Variants in NR1D2 observed in about 807,000 individuals in gnomAD.
The protein encoded by NR1D2 is nuclear receptor subfamily 1 group D member 2.
NR1D2 carries 25 observed loss-of-function variants against 52.2 expected under a neutral mutation model. The ratio of observed to expected loss-of-function variants is 0.48; its 90% CI spans 0.35 to 0.67. The LOEUF (loss-of-function observed/expected upper bound fraction) is 0.67, where lower values mean the gene tolerates loss of function less well. NR1D2 is among the 30% of genes least tolerant of loss of function. NR1D2 has a pLI of 0.01. For synonymous variants in NR1D2, 259 were observed against 230.1 expected (o/e 1.13, Z -1.14); for missense variants, 681 against 707.2 (o/e 0.96, Z 0.42).
At chr3:23,946,146 C>T (rs1314929559) in intron 1 of NR1D2, 1 of 985,090 alleles carries the variant, frequency 1.0e-6, no homozygotes, top group Admixed American at 6.1e-5. Context: ...GGGTTGCACA[C>T]TGCGGAGGAG....
intron 4 of NR1D2, among the ~76,000 whole-genome samples, chr3:23,961,457 AC>A (rs919535027): frequency 8.6e-5 from 11 of 127,726 alleles, no homozygotes; most frequent in Admixed American, 2.1e-4. Flanking sequence ...GTGCATTGGC[AC>A]CATCTCGACG....
At chr3:23,949,900 T>C (rs566552887) in intron 1 of NR1D2, among the ~76,000 whole-genome samples, 13 of 152,308 alleles carry the variant, frequency 8.5e-5, no homozygotes, top group African/African-American at 2.9e-4. Context: ...TATGCAGGAA[T>C]ATCAGTGCTT....
chr3:23,960,251 A>C (rs1706201596), intron 4 of NR1D2, among the ~76,000 whole-genome samples: 2 of 152,124 alleles, frequency 1.3e-5, no homozygotes, highest in South Asian at 4.1e-4. Context: ...AAATGCAAAA[A>C]AAAATTAGCT....
In NR1D2 at chr3:23,962,578, G is replaced by C. The variant is rs149261661; in HGVS notation, c.1119G>C (p.Leu373=). Residue 373 remains leucine (L), a synonymous_variant, in exon 5 of 8, where the codon CTG becomes CTC. Transcript: ENST00000312521. ...AGAATGAGAACAAGAATAGTTACCT[G>C]TGCAACACTGGAGGAAGAATGCATC... ...FSQNENKNSY[L]CNTGGRMHLV... 4.4e-6 allele frequency: 7 copies of C among 1,606,656 alleles called. No homozygotes were observed. The highest frequency in any genetic ancestry group is 1.1e-5 in the South Asian group (1 of 90,662).
At chr3:23,972,957 A>G (rs868344234) in intron 7 of NR1D2, among the ~76,000 whole-genome samples, 1 of 152,204 alleles carries the variant, frequency 6.6e-6, no homozygotes, top group African/African-American at 2.4e-5. Context: ...TCTGAGTTGT[A>G]TAACGAAGCA....
intron 3 of NR1D2, among the ~76,000 whole-genome samples, chr3:23,957,390 C>CTTTTTTTTT (rs201651739): frequency 2.7e-5 from 3 of 110,560 alleles, no homozygotes; most frequent in African/African-American, 3.6e-5. Flanking sequence ...CTCTATATAT[C>CTTTTTTTTT]TTTTTTTTTT....
intron 7 of NR1D2, among the ~76,000 whole-genome samples, chr3:23,974,818 A>AT (rs1355921800): frequency 0.01 from 1,397 of 134,824 alleles, 24 homozygotes; most frequent in South Asian, 0.077. Flanking sequence ...CCAATATCCA[A>AT]TTTTTTTTTT....
intron 5 of NR1D2, chr3:23,963,530 A>G (rs1706345518): frequency 3.3e-6 from 1 of 307,092 alleles, no homozygotes; most frequent in Non-Finnish European, 4.7e-6. Context: ...GCTCATTGCA[A>G]CCTCCACCTC....
At chr3:23,965,235 C>CTT (rs371267256) in intron 6 of NR1D2, 73 bp downstream of exon 6, 11,362 of 306,418 alleles carry the variant, frequency 0.037, 148 homozygotes, top group South Asian at 0.07. Flanking sequence ...TGTTTTAATT[C>CTT]TTTTTTTTTT....
At chr3:23,969,828 G>C (rs1299323942) in intron 7 of NR1D2, among the ~76,000 whole-genome samples, 1 of 152,174 alleles carries the variant, frequency 6.6e-6, no homozygotes, top group Non-Finnish European at 1.5e-5. Flanking sequence ...GGCTCTGTGG[G>C]GAAAGATAGA....
chr3:23,952,370 T>A (rs1705956298), intron 1 of NR1D2, among the ~76,000 whole-genome samples: 1 of 152,038 alleles, frequency 6.6e-6, no homozygotes, highest in African/African-American at 2.4e-5. Context: ...TTAGTGATAT[T>A]TTTGTCTTAA....
chr3:23,972,296 C>G (rs1264607071), intron 7 of NR1D2, among the ~76,000 whole-genome samples: 1 of 152,206 alleles, frequency 6.6e-6, no homozygotes, highest in East Asian at 1.9e-4. Context: ...TAATTACTGG[C>G]TAAGCAAGTA....
rs1706833064 is a variant in NR1D2 at position 23,979,879 on chromosome 3, A to G, written c.*2460A>G. 6.6e-6 allele frequency: 1 copy of G among 152,128 alleles called. No individual in the cohort carries two copies. The highest frequency in any genetic ancestry group is 2.4e-5 in the African/African-American group (1 of 41,446). The allele number at this position is 152,128 out of a possible 1,614,324, so 9.4% of individuals were successfully genotyped here. ...TGAATTAAGTGATGCTTTAACTTTG[A>G]TTTTACATTTTAAAGTTAAAATGTG... On this transcript the variant is annotated 3_prime_UTR_variant, in exon 8 of 8. Transcript: ENST00000312521.
rs1490496170 is a variant in NR1D2 at position 23,952,895 on chromosome 3, TA to T, written c.17-1637del. 2.6e-5 allele frequency among the ~76,000 whole-genome samples: 4 copies of T among 152,098 alleles called. No individual in the cohort carries two copies. In the East Asian group the frequency reaches 7.7e-4, roughly 29 times the overall value. On this transcript the variant is annotated intron_variant, in intron 1 of 7. Coordinates refer to ENST00000312521, the MANE Select transcript of NR1D2 (RefSeq NM_005126.5). ...AGCCTCAATATATATAATTGGTGCTTAAAAACACATCTGATATCTACTACAT... is the reference window on the plus strand; with the variant it reads ...AGCCTCAATATATATAATTGGTGCTTAAAACACATCTGATATCTACTACAT...
intron 4 of NR1D2, among the ~76,000 whole-genome samples, chr3:23,960,279 C>A (rs552443721): frequency 6.6e-6 from 1 of 152,088 alleles, no homozygotes; most frequent in African/African-American, 2.4e-5. Context: ...GTGGCATGCA[C>A]CTGTAATCCC....
At chr3:23,971,477 C>T (rs954034566) in intron 7 of NR1D2, among the ~76,000 whole-genome samples, 8 of 151,634 alleles carry the variant, frequency 5.3e-5, no homozygotes, top group African/African-American at 1.2e-4. Flanking sequence ...TCGTGTTGGC[C>T]GGGCTGGTCT....
intron 6 of NR1D2, among the ~76,000 whole-genome samples, chr3:23,965,694 T>G (rs947272645): frequency 1.3e-5 from 2 of 152,182 alleles, no homozygotes; most frequent in African/African-American, 4.8e-5. Flanking sequence ...ATTTTTTACT[T>G]ATTATTTAGG....
chr3:23,951,132 C>T (rs1440458951), intron 1 of NR1D2, among the ~76,000 whole-genome samples: 1 of 151,908 alleles, frequency 6.6e-6, no homozygotes, highest in Non-Finnish European at 1.5e-5. Context: ...CTTGGACTCC[C>T]GACCTCAGGT....
At chr3:23,953,087 C>T (rs2125284393) in intron 1 of NR1D2, among the ~76,000 whole-genome samples, 1 of 151,564 alleles carries the variant, frequency 6.6e-6, no homozygotes, top group African/African-American at 2.4e-5. Context: ...ACCTGTAATC[C>T]CAGCACTGGG....
Sources: gnomAD v4.1 joint callset for allele counts (sites outside exome capture counted in the v4.1 genomes callset) on GRCh38, gnomAD v4.1.1 for gene constraint, MANE v1.5 for transcripts, NCBI Gene and HGNC (gene_info 2026-07-23, HGNC 2026-07-21) for gene names.